The following PRMT8 variants were observed in gnomAD, a reference collection of about 807,000 sequenced individuals.
PRMT8 encodes protein arginine N-methyltransferase 8.
Under a neutral mutation model 47.1 loss-of-function variants are expected in PRMT8, and 7 were observed. The observed-to-expected ratio is 0.15, with a 90% CI of 0.08 to 0.28. The LOEUF is 0.28. PRMT8 is among the 10% of genes least tolerant of loss of function. The pLI is 1.00. For missense variants in PRMT8, 237 were observed against 505.4 expected (o/e 0.47, Z 5.09); for synonymous variants, 188 against 186.5 (o/e 1.01, Z -0.07).
chr12:3,469,625 T>C (rs1344675236), intron 1 of PRMT8, among the ~76,000 whole-genome samples: 1 of 151,974 alleles, frequency 6.6e-6, no homozygotes, highest in South Asian at 2.1e-4. Context: ...GTGTTGAAAA[T>C]GTTTAGAATG....
intron 1 of PRMT8, among the ~76,000 whole-genome samples, chr12:3,386,763 G>A (rs118117823): frequency 0.02 from 3,057 of 151,050 alleles, 182 homozygotes; most frequent in East Asian, 0.18. Flanking sequence ...AGGCTGGAGT[G>A]CAATGGCGCA....
intron 1 of PRMT8, among the ~76,000 whole-genome samples, chr12:3,479,244 A>T (rs114335158): frequency 6.6e-6 from 1 of 152,192 alleles, no homozygotes; most frequent in South Asian, 2.1e-4. Context: ...ATGCCTCCCA[A>T]TGGCTTCCCC....
intron 1 of PRMT8, among the ~76,000 whole-genome samples, chr12:3,526,092 C>G (rs1865946728): frequency 6.6e-6 from 1 of 152,152 alleles, no homozygotes; most frequent in South Asian, 2.1e-4. Flanking sequence ...TCTGACGATG[C>G]TACCTTTTAT....
intron 1 of PRMT8, among the ~76,000 whole-genome samples, chr12:3,485,995 C>T (rs570929600): frequency 6.6e-6 from 1 of 152,264 alleles, no homozygotes; most frequent in South Asian, 2.1e-4. Context: ...GGTCGGGTTG[C>T]CCTGACGCAC....
intron 4 of PRMT8, among the ~76,000 whole-genome samples, chr12:3,567,120 C>A (rs1866733381): frequency 6.6e-6 from 1 of 152,246 alleles, no homozygotes. Context: ...TCTGCTTCCC[C>A]TCTCCATCTG....
intron 1 of PRMT8, among the ~76,000 whole-genome samples, chr12:3,437,884 C>T (rs1864761653): frequency 6.6e-6 from 1 of 152,108 alleles, no homozygotes; most frequent in African/African-American, 2.4e-5. Flanking sequence ...TAACGCAGGG[C>T]CTGACACACG....
intron 1 of PRMT8, among the ~76,000 whole-genome samples, chr12:3,525,906 A>C (rs532353293): frequency 6.6e-6 from 1 of 152,320 alleles, no homozygotes; most frequent in Non-Finnish European, 1.5e-5. Context: ...AACCATTTTT[A>C]AATACACTGT....
At position 3,550,578 on chromosome 12, in the gene PRMT8, G is replaced by C. The variant is rs1327025289; in HGVS notation, c.417+487G>C. 2 of 153,974 alleles carry C rather than the reference G, an allele frequency of 1.3e-5. No homozygotes were observed. The highest frequency in any genetic ancestry group is 4.8e-5 in the African/African-American group (2 of 41,516). 9.5% of individuals were successfully genotyped at this position (153,974 alleles called of 1,614,324 possible). On this transcript the variant is annotated intron_variant, in intron 3 of 9. Coordinates refer to ENST00000382622, the MANE Select transcript of PRMT8 (RefSeq NM_019854.5). The surrounding 1 kb of genome is among the most constrained non-coding windows in gnomAD (Gnocchi z 5.1). ...AATGAGTATAATACATATGTAAAGT[G>C]CTTAAAACAGTGCCCAGCATATGGC...
chr12:3,460,579 G>A (rs1865030324), intron 1 of PRMT8, among the ~76,000 whole-genome samples: 1 of 152,164 alleles, frequency 6.6e-6, no homozygotes, highest in Non-Finnish European at 1.5e-5. Flanking sequence ...AATGGGATGT[G>A]GGGGTAATAG....
At chr12:3,398,114 C>T (rs1389991175) in intron 1 of PRMT8, among the ~76,000 whole-genome samples, 2 of 152,198 alleles carry the variant, frequency 1.3e-5, no homozygotes, top group African/African-American at 4.8e-5. Flanking sequence ...TCTGGCACTC[C>T]CTAGTGAGAT....
rs575953769 is a variant in PRMT8, at chr12:3,505,571, A to G, written c.75+13871A>G. On this transcript the variant is annotated intron_variant, in intron 1 of 9. Coordinates refer to ENST00000382622, the MANE Select transcript of PRMT8 (RefSeq NM_019854.5). ...GTGCTGTGTCAGTCACTTTGTAAAC[A>G]TTGCCTTATTTAATTTACTCAACAA... is the stretch of plus-strand genomic sequence containing the variant. Among the ~76,000 whole-genome samples, 10 of 152,270 alleles carry G rather than the reference A, an allele frequency of 6.6e-5. No individual in the cohort carries two copies. The South Asian group carries it at 1.2e-3, about 19-fold the overall frequency.
chr12:3,437,150 T>C (rs879281208), intron 1 of PRMT8, among the ~76,000 whole-genome samples: 4 of 152,162 alleles, frequency 2.6e-5, no homozygotes, highest in Non-Finnish European at 5.9e-5. Flanking sequence ...CCACAAGTTT[T>C]TGATGCTTCT....
At chr12:3,482,287 A>G (rs1223815605) in intron 1 of PRMT8, among the ~76,000 whole-genome samples, 1 of 152,220 alleles carries the variant, frequency 6.6e-6, no homozygotes, top group Non-Finnish European at 1.5e-5. Context: ...TGTAGGTTGG[A>G]AAAGAGTTGG....
At chr12:3,478,306 A>ATCTG (rs1555083550) in intron 1 of PRMT8, among the ~76,000 whole-genome samples, 1 of 137,470 alleles carries the variant, frequency 7.3e-6, no homozygotes, top group Non-Finnish European at 1.6e-5. Flanking sequence ...CTATCTATCT[A>ATCTG]TCTACCTACC....
chr12:3,559,762 C>T (rs546743244), intron 4 of PRMT8, among the ~76,000 whole-genome samples: 2 of 152,332 alleles, frequency 1.3e-5, no homozygotes, highest in Admixed American at 1.3e-4. Context: ...CCTTGCTGGG[C>T]AGCGTCCCAC....
rs1866780535 is a variant in PRMT8 at position 3,568,697 on chromosome 12, A to AT, written c.482-5dup. ...TGCAAAGTATGGCCCTGGGGTTCTT[A>AT]TTTTCCAGTCATCACCATATTTAAG... is the stretch of plus-strand genomic sequence containing the variant. On this transcript the variant is annotated splice_polypyrimidine_tract_variant and intron_variant, in intron 4 of 9. Coordinates refer to ENST00000382622, the MANE Select transcript of PRMT8 (RefSeq NM_019854.5). 2 of 1,613,800 alleles carry AT rather than the reference A, an allele frequency of 1.2e-6. No individual in the cohort carries two copies. Among genetic ancestry groups the AT allele is most frequent in the African/African-American group, 2.7e-5 (2 of 74,818 alleles).
intron 1 of PRMT8, among the ~76,000 whole-genome samples, chr12:3,399,195 A>T (rs1864293492): frequency 1.3e-5 from 2 of 152,200 alleles, no homozygotes. Flanking sequence ...ACCTAGGGTT[A>T]TGGTTACTGT....
chr12:3,410,152 AT>A (rs1289768618), intron 1 of PRMT8, among the ~76,000 whole-genome samples: 1 of 152,222 alleles, frequency 6.6e-6, no homozygotes, highest in East Asian at 1.9e-4. Context: ...TCTCCTTGAA[AT>A]TTGAGGCATC....
intron 1 of PRMT8, among the ~76,000 whole-genome samples, chr12:3,385,328 T>C (rs1256888630): frequency 6.6e-6 from 1 of 152,152 alleles, no homozygotes; most frequent in African/African-American, 2.4e-5. Context: ...CCATACCACT[T>C]CCCCAGGAAA....
Sources: allele counts gnomAD v4.1 joint callset (sites outside exome capture counted in the v4.1 genomes callset), GRCh38; gene constraint gnomAD v4.1.1; non-coding constraint Gnocchi (gnomAD v3.1); transcripts MANE v1.5; gene names NCBI Gene and HGNC (gene_info 2026-07-23, HGNC 2026-07-21).